The following EHBP1 variants were observed in gnomAD, a reference collection of about 807,000 sequenced individuals.
EHBP1 encodes EH domain binding protein 1.
A neutral mutation model predicts 144.0 loss-of-function variants in EHBP1; 55 were observed. That is an observed-to-expected ratio of 0.38 (90% CI 0.31 to 0.48). The LOEUF (loss-of-function observed/expected upper bound fraction) is 0.48. Ranked by LOEUF, EHBP1 falls within the 20% of genes least tolerant of loss-of-function variation. EHBP1 has a pLI of 0.98. For synonymous variants in EHBP1, 469 were observed against 472.7 expected (o/e 0.99, Z 0.10); for missense variants, 1,200 against 1,364.2 (o/e 0.88, Z 1.90).
chr2:62,985,413 A>G (rs1033769418), intron 15 of EHBP1, among the ~76,000 whole-genome samples: 5 of 152,298 alleles, frequency 3.3e-5, no homozygotes, highest in African/African-American at 1.2e-4. Context: ...AGTTATACCT[A>G]CTTCACAACT....
intron 10 of EHBP1, among the ~76,000 whole-genome samples, chr2:62,940,567 A>C (rs889791895): frequency 2.6e-5 from 4 of 152,354 alleles, no homozygotes; most frequent in Admixed American, 2.6e-4. Flanking sequence ...CCAATTATGT[A>C]CTGAAGGTTT....
intron 2 of EHBP1, among the ~76,000 whole-genome samples, chr2:62,734,653 A>T (rs1034130144): frequency 1.3e-5 from 2 of 152,142 alleles, no homozygotes; most frequent in African/African-American, 4.8e-5. Flanking sequence ...CAAAGTGGTT[A>T]TTGGTGTAGT....
At chr2:62,936,938 G>T (rs2056424756) in intron 10 of EHBP1, among the ~76,000 whole-genome samples, 1 of 152,166 alleles carries the variant, frequency 6.6e-6, no homozygotes, top group Non-Finnish European at 1.5e-5. Context: ...TAGTAGTTGA[G>T]AGACCAAAAT....
intron 3 of EHBP1, among the ~76,000 whole-genome samples, chr2:62,758,769 G>T (rs1162337840): frequency 6.6e-6 from 1 of 151,926 alleles, no homozygotes. Context: ...CTCTGTGGTT[G>T]TGCTACAGCC....
chr2:62,822,437 G>A (rs1427288615), intron 5 of EHBP1, among the ~76,000 whole-genome samples: 1 of 152,032 alleles, frequency 6.6e-6, no homozygotes, highest in Non-Finnish European at 1.5e-5. Flanking sequence ...GACCCTGGAT[G>A]GACTATTTAT....
intron 5 of EHBP1, among the ~76,000 whole-genome samples, chr2:62,778,592 T>C (rs2042204772): frequency 6.6e-6 from 1 of 151,994 alleles, no homozygotes; most frequent in Non-Finnish European, 1.5e-5. Context: ...CTTCTCTGCT[T>C]TGTTTCTTTT....
intron 5 of EHBP1, among the ~76,000 whole-genome samples, chr2:62,807,299 G>A (rs887574722): frequency 1.3e-5 from 2 of 152,226 alleles, no homozygotes; most frequent in African/African-American, 4.8e-5. Flanking sequence ...TGTAATCCCA[G>A]CATTCTGGGA....
At chr2:62,711,376 T>G (rs1267980196) in intron 2 of EHBP1, among the ~76,000 whole-genome samples, 2 of 152,148 alleles carry the variant, frequency 1.3e-5, no homozygotes, top group Non-Finnish European at 2.9e-5. Context: ...GACTATAGGT[T>G]TTTGGCCTGA....
chr2:62,787,726 A>G (rs1016139074), intron 5 of EHBP1, among the ~76,000 whole-genome samples: 1 of 151,470 alleles, frequency 6.6e-6, no homozygotes, highest in Non-Finnish European at 1.5e-5. Flanking sequence ...CTATTGTGCC[A>G]AAGGGAGATG....
intron 2 of EHBP1, among the ~76,000 whole-genome samples, chr2:62,727,380 G>A (rs1165365794): frequency 6.6e-6 from 1 of 151,078 alleles, no homozygotes; most frequent in African/African-American, 2.4e-5. Context: ...GGTTTTTAAT[G>A]TATTTCTAGA....
At chr2:62,958,367 T>G (rs933530563) in intron 14 of EHBP1, among the ~76,000 whole-genome samples, 1 of 152,172 alleles carries the variant, frequency 6.6e-6, no homozygotes, top group Admixed American at 6.5e-5. Flanking sequence ...CCATGCAATA[T>G]AATATTACCC....
rs567534234 is a variant in EHBP1, at chr2:62,811,653, T to C, written c.313-14434T>C. 3.9e-5 allele frequency among the ~76,000 whole-genome samples: 6 copies of C among 152,298 alleles called. No homozygotes were observed. In the South Asian group the frequency reaches 1.2e-3, roughly 32 times the overall value. On this transcript the variant is annotated intron_variant, in intron 5 of 22. Coordinates refer to ENST00000431489, the MANE Select transcript of EHBP1 (RefSeq NM_001142616.3). ...TTTTAGGTTGAAGTTGAGTGAAAAG[T>C]ACCCACAAACAAATTTTATAACTGT...
At chr2:62,888,460 A>G (rs2052130213) in intron 10 of EHBP1, among the ~76,000 whole-genome samples, 1 of 152,244 alleles carries the variant, frequency 6.6e-6, no homozygotes, top group Non-Finnish European at 1.5e-5. Flanking sequence ...AAGTTTGCTC[A>G]TTTATATCAG....
intron 10 of EHBP1, among the ~76,000 whole-genome samples, chr2:62,923,400 C>T (rs1264038801): frequency 2.0e-5 from 3 of 152,176 alleles, no homozygotes; most frequent in African/African-American, 7.2e-5. Context: ...CATTCTCAGG[C>T]TGGCAGAGCA....
At chr2:62,737,859 G>A (rs1208689336) in intron 2 of EHBP1, among the ~76,000 whole-genome samples, 2 of 152,086 alleles carry the variant, frequency 1.3e-5, no homozygotes, top group African/African-American at 4.8e-5. Context: ...AAACTCCTGG[G>A]CTTAAATGAT....
At chr2:62,726,355 T>A (rs756264028) in intron 2 of EHBP1, among the ~76,000 whole-genome samples, 7 of 152,200 alleles carry the variant, frequency 4.6e-5, no homozygotes, top group Non-Finnish European at 8.8e-5. Context: ...CCTGGAATCC[T>A]TGGAGGCCTG....
chr2:63,016,664 C>T (rs973452471), intron 19 of EHBP1, among the ~76,000 whole-genome samples: 13 of 152,014 alleles, frequency 8.6e-5, no homozygotes, highest in Admixed American at 7.9e-4. Flanking sequence ...CTCCTGAGCT[C>T]AGGTGATCCA....
chr2:62,985,202 T>G (rs2059133985), intron 15 of EHBP1, among the ~76,000 whole-genome samples: 1 of 152,142 alleles, frequency 6.6e-6, no homozygotes, highest in South Asian at 2.1e-4. Context: ...TGTTCTCCAG[T>G]CCAACATTTA....
At chr2:62,977,605 T>TA (rs1275840706) in intron 14 of EHBP1, among the ~76,000 whole-genome samples, 1 of 152,150 alleles carries the variant, frequency 6.6e-6, no homozygotes, top group African/African-American at 2.4e-5. Flanking sequence ...TTTCTCTATA[T>TA]AAGTTTTTTG....
Sources: allele counts gnomAD v4.1 joint callset (sites outside exome capture counted in the v4.1 genomes callset), GRCh38; gene constraint gnomAD v4.1.1; transcripts MANE v1.5; gene names NCBI Gene and HGNC (gene_info 2026-07-23, HGNC 2026-07-21).